Variants in CTNND2 observed in about 807,000 individuals in gnomAD.
CTNND2 encodes catenin delta 2.
In CTNND2, 22 loss-of-function variants were observed where a neutral mutation model predicts 144.4. That is an observed-to-expected ratio of 0.15 (90% CI 0.11 to 0.22). The LOEUF (loss-of-function observed/expected upper bound fraction) is 0.22. CTNND2 is among the 10% of genes least tolerant of loss of function. CTNND2 has a pLI of 1.00. For synonymous variants in CTNND2, 751 were observed against 695.6 expected (o/e 1.08, Z -1.25); for missense variants, 1,353 against 1,618.8 (o/e 0.84, Z 2.82).
At chr5:11,795,224 A>T (rs1291281233) in intron 1 of CTNND2, among the ~76,000 whole-genome samples, 1 of 152,186 alleles carries the variant, frequency 6.6e-6, no homozygotes, top group African/African-American at 2.4e-5. Context: ...CATAAATGCC[A>T]AGAATGTCTT....
At chr5:11,726,978 A>C (rs1450923577) in intron 2 of CTNND2, among the ~76,000 whole-genome samples, 1 of 152,204 alleles carries the variant, frequency 6.6e-6, no homozygotes, top group Non-Finnish European at 1.5e-5. Flanking sequence ...AATACACATA[A>C]GAGAGCATCA....
intron 2 of CTNND2, among the ~76,000 whole-genome samples, chr5:11,660,189 G>GC (rs1451592674): frequency 6.6e-6 from 1 of 152,078 alleles, no homozygotes; most frequent in Non-Finnish European, 1.5e-5. Flanking sequence ...GGCAGACCAG[G>GC]CAAGAAGCTG....
At chr5:11,468,651 T>G (rs942867716) in intron 3 of CTNND2, among the ~76,000 whole-genome samples, 20 of 152,212 alleles carry the variant, frequency 1.3e-4, no homozygotes, top group Non-Finnish European at 2.8e-4. Context: ...CTACACTTAT[T>G]CATTTCTAGA....
chr5:11,847,969 G>A (rs550413197), intron 1 of CTNND2, among the ~76,000 whole-genome samples: 6 of 151,918 alleles, frequency 3.9e-5, no homozygotes, highest in Non-Finnish European at 7.4e-5. Flanking sequence ...ACTGGACGGC[G>A]TTTAGAATTA....
At chr5:11,775,983 C>A (rs766962002) in intron 1 of CTNND2, among the ~76,000 whole-genome samples, 2 of 152,168 alleles carry the variant, frequency 1.3e-5, no homozygotes, top group Admixed American at 6.5e-5. Flanking sequence ...CACGAGCCAA[C>A]TCCAAGGATT....
At chr5:11,459,024 C>G (rs1233370404) in intron 3 of CTNND2, among the ~76,000 whole-genome samples, 1 of 152,064 alleles carries the variant, frequency 6.6e-6, no homozygotes, top group Non-Finnish European at 1.5e-5. Flanking sequence ...CCCACCTCAG[C>G]CTCCCAAAGT....
intron 2 of CTNND2, among the ~76,000 whole-genome samples, chr5:11,630,185 T>A (rs750443998): frequency 6.6e-6 from 1 of 152,220 alleles, no homozygotes; most frequent in Middle Eastern, 3.2e-3. Context: ...CAATGCATAG[T>A]TCACCATGTG....
chr5:11,675,643 T>C (rs1030720907), intron 2 of CTNND2, among the ~76,000 whole-genome samples: 1 of 152,082 alleles, frequency 6.6e-6, no homozygotes, highest in African/African-American at 2.4e-5. Context: ...TGTAGCAACA[T>C]TTTTTTGGAA....
chr5:11,517,387 C>A (rs1329607957), intron 3 of CTNND2, among the ~76,000 whole-genome samples: 2 of 152,116 alleles, frequency 1.3e-5, no homozygotes, highest in Admixed American at 6.6e-5. Flanking sequence ...TGTCTAAATT[C>A]TTCTCTCTAC....
At chr5:11,374,775 CTTTTTTTTTTTTT>C (rs56327510) in intron 7 of CTNND2, among the ~76,000 whole-genome samples, 1,498 of 99,448 alleles carry the variant, frequency 0.015, 32 homozygotes, top group African/African-American at 0.042. Context: ...TCCCAATCTA[CTTTTTTTTTTTTT>C]TTTTTTTTTT....
rs755641734 is a variant in CTNND2, at chr5:11,081,090, A to ACACACACACACT, written c.2788+1605_2788+1606insAGTGTGTGTGTG. On this transcript the variant is annotated intron_variant, in intron 16 of 21. Coordinates refer to ENST00000304623, the MANE Select transcript of CTNND2 (RefSeq NM_001332.4). ...GACCCTGTCACACACACACACACACACACACACACACACACACTCACACAC... is the reference window on the plus strand; with the variant it reads ...GACCCTGTCACACACACACACACACACACACACACACTCACACACACACACACACTCACACAC... Among the ~76,000 whole-genome samples, 951 of 151,508 alleles carry ACACACACACACT rather than the reference A, an allele frequency of 6.3e-3. 6 individuals carry two copies. Among genetic ancestry groups the ACACACACACACT allele is most frequent in the Non-Finnish European group, 0.01 (699 of 67,780 alleles).
At chr5:11,011,460 G>C (rs956478330) in intron 18 of CTNND2, among the ~76,000 whole-genome samples, 20 of 152,048 alleles carry the variant, frequency 1.3e-4, no homozygotes, top group South Asian at 6.2e-4. Context: ...CAAGTGATCC[G>C]CCTATCTCGG....
At chr5:11,796,536 C>T (rs1030396954) in intron 1 of CTNND2, among the ~76,000 whole-genome samples, 1 of 152,144 alleles carries the variant, frequency 6.6e-6, no homozygotes. Context: ...TATAACATTG[C>T]TAAAACCTTA....
intron 1 of CTNND2, among the ~76,000 whole-genome samples, chr5:11,848,573 C>A (rs1160999906): frequency 6.6e-6 from 1 of 151,934 alleles, no homozygotes; most frequent in Non-Finnish European, 1.5e-5. Context: ...TACACAATGG[C>A]AATGTTTACT....
intron 16 of CTNND2, among the ~76,000 whole-genome samples, chr5:11,033,970 C>G (rs1022154643): frequency 1.3e-5 from 2 of 152,076 alleles, no homozygotes; most frequent in African/African-American, 4.8e-5. Flanking sequence ...AAGTTGATAC[C>G]AGGTTAGCAA....
intron 1 of CTNND2, among the ~76,000 whole-genome samples, chr5:11,763,998 A>G (rs1443343300): frequency 6.6e-6 from 1 of 152,124 alleles, no homozygotes; most frequent in Non-Finnish European, 1.5e-5. Flanking sequence ...AGGGCACATG[A>G]AAGTTAGGTT....
At chr5:11,506,869 C>T (rs1771099484) in intron 3 of CTNND2, among the ~76,000 whole-genome samples, 1 of 152,188 alleles carries the variant, frequency 6.6e-6, no homozygotes, top group Non-Finnish European at 1.5e-5. Context: ...TAAACTCAAA[C>T]AGTATCTTCC....
intron 1 of CTNND2, among the ~76,000 whole-genome samples, chr5:11,832,888 C>T (rs1046375360): frequency 4.6e-5 from 7 of 152,096 alleles, no homozygotes; most frequent in African/African-American, 7.2e-5. Context: ...CTGCTGTGAG[C>T]GGTGATTGTG....
chr5:11,716,090 C>T (rs185405344), intron 2 of CTNND2, among the ~76,000 whole-genome samples: 31 of 152,292 alleles, frequency 2.0e-4, no homozygotes, highest in African/African-American at 7.5e-4. Flanking sequence ...CAATCCTCTA[C>T]GACCAACATG....
Sources: gnomAD v4.1 joint callset for allele counts (sites outside exome capture counted in the v4.1 genomes callset) on GRCh38, gnomAD v4.1.1 for gene constraint, MANE v1.5 for transcripts, NCBI Gene and HGNC (gene_info 2026-07-23, HGNC 2026-07-21) for gene names.